TNS3: variants seen among roughly 807,000 people sequenced by gnomAD.
TNS3 encodes tensin 3.
Under a neutral mutation model 140.9 loss-of-function variants are expected in TNS3, and 45 were observed. That is an observed-to-expected ratio of 0.32 (90% CI 0.25 to 0.41). The LOEUF is 0.41. TNS3 is among the 10% of genes least tolerant of loss of function. TNS3 has a pLI of 1.00. For missense variants in TNS3, 1,716 were observed against 1,906.7 expected (o/e 0.90, Z 1.86); for synonymous variants, 815 against 788.4 (o/e 1.03, Z -0.56).
Position 47,482,635 on chromosome 7 carries a change from T to C in TNS3, c.-114-1494A>G, listed in dbSNP as rs74655257. On this transcript the variant is annotated intron_variant, in intron 3 of 30. Coordinates refer to ENST00000311160, the MANE Select transcript of TNS3 (RefSeq NM_022748.12). ...CTACTCAGTGCACACATGCATCTTGTTGCCTCACTCCACATGTGACATGCA... is the reference window on the plus strand; with the variant it reads ...CTACTCAGTGCACACATGCATCTTGCTGCCTCACTCCACATGTGACATGCA... Among the ~76,000 whole-genome samples the C allele has an allele frequency of 7.6e-3, 1,154 of 152,284 alleles. 13 individuals carry two copies. The highest frequency in any genetic ancestry group is 0.026 in the African/African-American group (1,089 of 41,546).
intron 20 of TNS3, among the ~76,000 whole-genome samples, chr7:47,321,920 A>G (rs1787756713): frequency 6.6e-6 from 1 of 152,106 alleles, no homozygotes. Flanking sequence ...AGGGGGACCC[A>G]CTGCTGAAGC....
intron 1 of TNS3, among the ~76,000 whole-genome samples, chr7:47,529,686 A>G (rs1799323519): frequency 1.3e-5 from 2 of 152,378 alleles, no homozygotes; most frequent in Admixed American, 6.5e-5. Context: ...CCTGTGATAC[A>G]CATGTGGTTC....
intron 20 of TNS3, among the ~76,000 whole-genome samples, chr7:47,325,329 GT>G: frequency 6.6e-6 from 1 of 152,222 alleles, no homozygotes; most frequent in South Asian, 2.1e-4. Context: ...CTCCACGTTT[GT>G]AAAACCCTGT....
At chr7:47,309,086 G>T (rs112035165) in intron 20 of TNS3, among the ~76,000 whole-genome samples, 191 of 152,270 alleles carry the variant, frequency 1.3e-3, no homozygotes, top group African/African-American at 4.5e-3. Context: ...CGGTAAACTG[G>T]GACAACTGTA....
At position 47,561,310 on chromosome 7, in the gene TNS3, G is replaced by A. The variant is rs138132795; in HGVS notation, c.-265+20741C>T. ...ACTGCCTTTGGCCACCACTGGGAGT[G>A]TTAGAGACTGTTGTGTTCCACTTCT... On this transcript the variant is annotated intron_variant, in intron 1 of 30. Transcript: ENST00000311160. Among the ~76,000 whole-genome samples, 145 of 152,260 alleles carry A rather than the reference G, an allele frequency of 9.5e-4. 1 individual carries two copies. Among genetic ancestry groups the A allele is most frequent in the African/African-American group, 3.2e-3 (131 of 41,546 alleles).
chr7:47,314,394 T>G (rs1787276472), intron 20 of TNS3, among the ~76,000 whole-genome samples: 1 of 152,186 alleles, frequency 6.6e-6, no homozygotes, highest in Admixed American at 6.5e-5. Flanking sequence ...GGTCCCTTTC[T>G]AAGTGCTCCT....
chr7:47,581,468 T>A (rs2152034379), intron 1 of TNS3: 1 of 152,316 alleles, frequency 6.6e-6, no homozygotes, highest in African/African-American at 2.4e-5. Context: ...AGAAGGGTCT[T>A]GAGCCTGCCC....
At chr7:47,402,331 A>G (rs1004208230) in intron 13 of TNS3, among the ~76,000 whole-genome samples, 1 of 152,206 alleles carries the variant, frequency 6.6e-6, no homozygotes, top group Non-Finnish European at 1.5e-5. Flanking sequence ...GCGGTGCTGT[A>G]AACATGGGGC....
chr7:47,462,004 C>G (rs557942468), intron 4 of TNS3, among the ~76,000 whole-genome samples: 144 of 152,294 alleles, frequency 9.5e-4, no homozygotes, highest in Non-Finnish European at 1.6e-3. Context: ...GAACCCCAGA[C>G]CCTGGAGAGA....
chr7:47,569,046 G>A (rs948657516), intron 1 of TNS3, among the ~76,000 whole-genome samples: 1 of 152,246 alleles, frequency 6.6e-6, no homozygotes, highest in South Asian at 2.1e-4. Context: ...ATGTGCTTCA[G>A]GCACGAAGCC....
intron 24 of TNS3, 69 bp downstream of exon 24, chr7:47,297,013 C>T (rs1475738156): frequency 1.9e-6 from 3 of 1,542,360 alleles, no homozygotes; most frequent in South Asian, 2.4e-5. Flanking sequence ...ATTTTATTAG[C>T]CTAAAAATAA....
At chr7:47,332,970 A>C (rs1453697114) in intron 20 of TNS3, among the ~76,000 whole-genome samples, 1 of 152,258 alleles carries the variant, frequency 6.6e-6, no homozygotes, top group Non-Finnish European at 1.5e-5. Context: ...AAATAAATTT[A>C]GAAAAGCAGA....
At chr7:47,553,691 GA>G (rs1800119185) in intron 1 of TNS3, among the ~76,000 whole-genome samples, 1 of 152,192 alleles carries the variant, frequency 6.6e-6, no homozygotes, top group Non-Finnish European at 1.5e-5. Context: ...CAGCAACTCT[GA>G]CAGAGATGTA....
At chr7:47,374,213 T>C (rs1332555718) in intron 16 of TNS3, among the ~76,000 whole-genome samples, 2 of 152,176 alleles carry the variant, frequency 1.3e-5, no homozygotes, top group Non-Finnish European at 2.9e-5. Flanking sequence ...CCAGGGAACA[T>C]TTGAACATTA....
rs759155097 is a variant in TNS3 at position 47,292,033 on chromosome 7, C to A, written c.3851-1G>T. 3 of 1,614,092 alleles carry A rather than the reference C, an allele frequency of 1.9e-6. No individual in the cohort carries two copies. The highest frequency in any genetic ancestry group is 2.5e-6 in the Non-Finnish European group (3 of 1,179,968). ...CTTTCTGCTATTTCCTCCAATGGAT[C>A]TGTAGGAAGGGGCAAGAAAATACAG... On this transcript the variant is annotated splice_acceptor_variant, in intron 26 of 30. Transcript: ENST00000311160. LOFTEE classifies it high-confidence loss of function.
chr7:47,367,017 C>T (rs1391190201), intron 17 of TNS3, among the ~76,000 whole-genome samples: 6 of 152,216 alleles, frequency 3.9e-5, no homozygotes, highest in African/African-American at 1.4e-4. Flanking sequence ...GGCAAAACAC[C>T]CCAACGTGCC....
chr7:47,373,885 C>T lies in TNS3; in HGVS notation c.1025-4264G>A, dbSNP rs1791219895. Among the ~76,000 whole-genome samples, 3 of 152,322 alleles carry T rather than the reference C, an allele frequency of 2.0e-5. No individual in the cohort carries two copies. The South Asian group carries it at 6.2e-4, about 32-fold the overall frequency. On this transcript the variant is annotated intron_variant, in intron 16 of 30. Coordinates refer to ENST00000311160, the MANE Select transcript of TNS3 (RefSeq NM_022748.12). ...AAAACAAGCAAACGAAGAACAATCA[C>T]CAACCAAAACCAAACACACACACAG...
chr7:47,415,053 G>A (rs1415646868), intron 11 of TNS3, 41 bp downstream of exon 11: 2 of 1,497,582 alleles, frequency 1.3e-6, no homozygotes, highest in Admixed American at 1.8e-5. Flanking sequence ...TCCAAGTCTG[G>A]GCCAGCCAAT....
chr7:47,368,585 G>A lies in TNS3; in HGVS notation c.2061C>T (p.Ser687=). Residue 687 remains serine (S), a synonymous_variant, in exon 17 of 31, where the codon TCC becomes TCT. Coordinates refer to ENST00000311160, the MANE Select transcript of TNS3 (RefSeq NM_022748.12). ...CGATGTCCAGGGTGGGCGAGCCTGG[G>A]GAGGGGCCTGTGCTCAGCTCTGGGC... The part of the protein sequence containing the change: ...GAGPELSTGP[S]PGSPTLDIDQ... 7.6e-6 allele frequency: 12 copies of A among 1,572,032 alleles called. No homozygotes were observed. Among genetic ancestry groups the A allele is most frequent in the South Asian group, 1.2e-5 (1 of 84,206 alleles).
Sources: gnomAD v4.1 joint callset for allele counts (sites outside exome capture counted in the v4.1 genomes callset) on GRCh38, gnomAD v4.1.1 for gene constraint, MANE v1.5 for transcripts, NCBI Gene and HGNC (gene_info 2026-07-23, HGNC 2026-07-21) for gene names.